Variants in COG5 observed in about 807,000 individuals in gnomAD.
The protein encoded by COG5 is component of oligomeric golgi complex 5, also known as conserved oligomeric Golgi complex subunit 5.
A neutral mutation model predicts 110.4 loss-of-function variants in COG5; 86 were observed. The observed-to-expected ratio is 0.78, with a 90% CI of 0.65 to 0.93. The LOEUF (loss-of-function observed/expected upper bound fraction) is 0.93. Among genes scored for constraint, COG5 ranks in the 40% least tolerant of loss-of-function variants. COG5 has a pLI of 0.00. For synonymous variants in COG5, 360 were observed against 334.6 expected, an observed-to-expected ratio of 1.08 and a Z score of -0.83; for missense variants, 1,077 against 987.0, an observed-to-expected ratio of 1.09 and a Z score of -1.22.
At chr7:107,355,296 C>T (rs1812524851) in intron 10 of COG5, among the ~76,000 whole-genome samples, 1 of 152,138 alleles carries the variant, frequency 6.6e-6, no homozygotes, top group African/African-American at 2.4e-5. Context: ...ACAAAAGTAA[C>T]TCTCTTTCTT....
chr7:107,395,058 A>C (rs569635075), intron 7 of COG5, among the ~76,000 whole-genome samples: 20 of 152,306 alleles, frequency 1.3e-4, no homozygotes, highest in African/African-American at 4.6e-4. Context: ...ACTTATGATA[A>C]AGACTTAGTT....
At chr7:107,233,918 C>A (rs1463016754) in intron 18 of COG5, among the ~76,000 whole-genome samples, 1 of 152,042 alleles carries the variant, frequency 6.6e-6, no homozygotes, top group Non-Finnish European at 1.5e-5. Context: ...GGCAAGAAAC[C>A]AAACCAAACG....
intron 7 of COG5, among the ~76,000 whole-genome samples, chr7:107,403,845 T>G (rs926651927): frequency 6.6e-6 from 1 of 152,094 alleles, no homozygotes; most frequent in Non-Finnish European, 1.5e-5. Context: ...ATTGGGAACA[T>G]AGCAGCCATA....
chr7:107,440,240 A>T (rs1794626522), intron 6 of COG5, among the ~76,000 whole-genome samples: 1 of 152,188 alleles, frequency 6.6e-6, no homozygotes, highest in Non-Finnish European at 1.5e-5. Context: ...TCTAGGACAT[A>T]GGAGAACTTC....
intron 5 of COG5, among the ~76,000 whole-genome samples, chr7:107,540,837 A>C (rs1418463444): frequency 6.6e-6 from 1 of 152,074 alleles, no homozygotes; most frequent in African/African-American, 2.4e-5. Context: ...CCTAGAAATA[A>C]TAAAGAATTA....
At chr7:107,221,566 C>T (rs1799926937) in intron 19 of COG5, among the ~76,000 whole-genome samples, 1 of 151,886 alleles carries the variant, frequency 6.6e-6, no homozygotes, top group Non-Finnish European at 1.5e-5. Flanking sequence ...AGATTGAGAC[C>T]ATCCTGGCTA....
intron 7 of COG5, among the ~76,000 whole-genome samples, chr7:107,380,461 T>C (rs972916642): frequency 3.3e-5 from 5 of 151,792 alleles, no homozygotes; most frequent in African/African-American, 1.2e-4. Context: ...TTAGACACAA[T>C]AAAAAATGAT....
At chr7:107,258,906 A>T (rs1469584330) in intron 14 of COG5, among the ~76,000 whole-genome samples, 1 of 152,108 alleles carries the variant, frequency 6.6e-6, no homozygotes, top group Non-Finnish European at 1.5e-5. Flanking sequence ...TCCCATGTAT[A>T]TTTGATAGGC....
intron 12 of COG5, among the ~76,000 whole-genome samples, chr7:107,288,915 T>G (rs6967639): frequency 0.073 from 632 of 8,706 alleles, 11 homozygotes; most frequent in East Asian, 0.098. Context: ...GAGATATATA[T>G]ATATATATAT....
intron 6 of COG5, among the ~76,000 whole-genome samples, chr7:107,437,662 TTATA>T (rs1198747126): frequency 6.6e-6 from 1 of 152,140 alleles, no homozygotes; most frequent in East Asian, 1.9e-4. Flanking sequence ...TATTTTTAAT[TTATA>T]TATATTTAGA....
At chr7:107,544,661 T>C in intron 5 of COG5, among the ~76,000 whole-genome samples, 1 of 152,160 alleles carries the variant, frequency 6.6e-6, no homozygotes, top group East Asian at 1.9e-4. Flanking sequence ...GGTGAAGAAC[T>C]TTGCCAGCCA....
At chr7:107,217,846 C>T (rs997495538) in intron 19 of COG5, among the ~76,000 whole-genome samples, 1 of 151,956 alleles carries the variant, frequency 6.6e-6, no homozygotes, top group Admixed American at 6.6e-5. Flanking sequence ...ATTCATAATC[C>T]TACTGGAGGT....
At position 107,414,796 on chromosome 7, in the gene COG5, G is replaced by A. The variant is rs562525690; in HGVS notation, c.539-2164C>T. Reference sequence around the variant, plus strand: ...GGCTGGAGTACAGTGGTGCGATCTCGGCTCACTGCAACCTCCGCCCGCTGG... The same window carrying A: ...GGCTGGAGTACAGTGGTGCGATCTCAGCTCACTGCAACCTCCGCCCGCTGG... On this transcript the variant is annotated intron_variant, in intron 6 of 21. Transcript: ENST00000297135. 8.4e-5 allele frequency among the ~76,000 whole-genome samples: 11 copies of A among 131,014 alleles called. No homozygotes were observed. The East Asian group carries it at 1.3e-3, about 16-fold the overall frequency. The allele number at this position is 131,014 out of a possible 152,430, so 86.0% of individuals were successfully genotyped here.
At chr7:107,242,138 A>C (rs1467305960) in intron 17 of COG5, among the ~76,000 whole-genome samples, 6 of 152,188 alleles carry the variant, frequency 3.9e-5, no homozygotes, top group Admixed American at 3.3e-4. Flanking sequence ...CAATATGGCC[A>C]ATTAGAAGCA....
intron 14 of COG5, among the ~76,000 whole-genome samples, chr7:107,265,834 C>G (rs574820024): frequency 6.6e-6 from 1 of 152,072 alleles, no homozygotes; most frequent in South Asian, 2.1e-4. Context: ...GTGGGAGGAT[C>G]GCTTGAGCTC....
chr7:107,392,019 A>G (rs990098096), intron 7 of COG5, among the ~76,000 whole-genome samples: 1 of 152,128 alleles, frequency 6.6e-6, no homozygotes, highest in Non-Finnish European at 1.5e-5. Flanking sequence ...TGAACCTGGG[A>G]GGTGGAGGTT....
In COG5 at chr7:107,232,335, T is replaced by C. The variant is rs117552893; in HGVS notation, c.2092-1644A>G. On this transcript the variant is annotated intron_variant, in intron 18 of 21. Transcript: ENST00000297135. ...TTTTCTTTCCATATGTGTCACTTAC[T>C]TTACACTGAGCACAAAGGAAAAATG... 6.9e-4 allele frequency among the ~76,000 whole-genome samples: 105 copies of C among 152,356 alleles called. 2 individuals are homozygous for C. The East Asian group carries it at 0.02, about 29-fold the overall frequency.
chr7:107,353,465 A>G (rs940631910), intron 10 of COG5, among the ~76,000 whole-genome samples: 3 of 151,878 alleles, frequency 2.0e-5, no homozygotes, highest in African/African-American at 4.8e-5. Context: ...ATAGTAAGAG[A>G]AAAATAATAT....
At chr7:107,320,564 C>A (rs1562967073) in intron 11 of COG5, among the ~76,000 whole-genome samples, 1 of 152,156 alleles carries the variant, frequency 6.6e-6, no homozygotes, top group Admixed American at 6.5e-5. Context: ...AAACCCCAAC[C>A]AGCCTAAGTC....
Sources: allele counts gnomAD v4.1 joint callset (sites outside exome capture counted in the v4.1 genomes callset), GRCh38; gene constraint gnomAD v4.1.1; transcripts MANE v1.5; gene names NCBI Gene and HGNC (gene_info 2026-07-23, HGNC 2026-07-21).